The following OR2L13 variants were observed in gnomAD, a reference collection of about 807,000 sequenced individuals.
OR2L13 encodes the protein olfactory receptor 2L13.
OR2L13 carries 14 observed loss-of-function variants against 15.3 expected under a neutral mutation model. The ratio of observed to expected loss-of-function variants is 0.91; its 90% confidence interval spans 0.60 to 1.43. The LOEUF (loss-of-function observed/expected upper bound fraction) is 1.43. Among genes scored for constraint, OR2L13 ranks in the 40% most tolerant of loss-of-function variants. OR2L13 has a pLI of 0.00. For synonymous variants in OR2L13, 152 were observed against 142.9 expected (o/e 1.06, Z -0.45); for missense variants, 367 against 387.9 (o/e 0.95, Z 0.45).
chr1:248,021,263 A>G, the OR2L13 span, among the ~76,000 whole-genome samples: 1 of 152,246 alleles, frequency 6.6e-6, no homozygotes, highest in Non-Finnish European at 1.5e-5. Flanking sequence ...CTCATCAAAT[A>G]TTAATCTCTG....
At chr1:247,972,608 T>C in the OR2L13 span, among the ~76,000 whole-genome samples, 1 of 147,282 alleles carries the variant, frequency 6.8e-6, no homozygotes, top group Non-Finnish European at 1.5e-5. Flanking sequence ...AGTTCTGAAA[T>C]TGAGGCAGTA....
chr1:248,096,175 G>A (rs576912159), upstream of OR2L13, among the ~76,000 whole-genome samples: 13 of 151,878 alleles, frequency 8.6e-5, no homozygotes, highest in East Asian at 2.0e-4. Flanking sequence ...TCAGGAGATC[G>A]AGACCATCCT....
At chr1:248,007,671 A>G in the OR2L13 span, among the ~76,000 whole-genome samples, 1 of 152,076 alleles carries the variant, frequency 6.6e-6, no homozygotes, top group Non-Finnish European at 1.5e-5. Context: ...TTCCATCCAA[A>G]TGTTATGCTG....
At chr1:248,099,994 C>T in exon 3 of OR2L13, 2 of 1,614,166 alleles carry the variant, frequency 1.2e-6, no homozygotes, top group Non-Finnish European at 1.7e-6. Flanking sequence ...CCTCTTTCTC[C>T]TTTTCCCTTT....
the OR2L13 span, among the ~76,000 whole-genome samples, chr1:248,012,706 A>AC: frequency 7.2e-5 from 11 of 152,168 alleles, no homozygotes; most frequent in Non-Finnish European, 1.6e-4. Context: ...AGTAATATAC[A>AC]CTACCTACCC....
chr1:247,969,791 A>T, the OR2L13 span, among the ~76,000 whole-genome samples: 1 of 152,146 alleles, frequency 6.6e-6, no homozygotes, highest in Non-Finnish European at 1.5e-5. Context: ...ATTTTGTACC[A>T]GCAGCAAAAG....
chr1:248,053,655 C>T, the OR2L13 span, among the ~76,000 whole-genome samples: 28 of 152,224 alleles, frequency 1.8e-4, no homozygotes, highest in South Asian at 4.1e-4. Flanking sequence ...CCATTCTGAT[C>T]GGCAGCAGAT....
the OR2L13 span, among the ~76,000 whole-genome samples, chr1:247,981,877 G>A: frequency 2.3e-4 from 34 of 150,958 alleles, no homozygotes; most frequent in Non-Finnish European, 4.9e-4. Flanking sequence ...GTGCAGTGGT[G>A]TGATCTCAGC....
the OR2L13 span, among the ~76,000 whole-genome samples, chr1:247,982,439 C>T: frequency 0.039 from 5,900 of 152,196 alleles, 353 homozygotes; most frequent in African/African-American, 0.13. Context: ...ATTTTCAACT[C>T]TAAATTGAAG....
chr1:247,987,052 T>C, the OR2L13 span, among the ~76,000 whole-genome samples: 2 of 152,284 alleles, frequency 1.3e-5, no homozygotes, highest in Non-Finnish European at 2.9e-5. Context: ...GTTTCATTTT[T>C]TTTGATACTA....
At chr1:248,006,109 C>T in the OR2L13 span, among the ~76,000 whole-genome samples, 1 of 152,124 alleles carries the variant, frequency 6.6e-6, no homozygotes, top group Non-Finnish European at 1.5e-5. Context: ...GAGAGCACCT[C>T]CTCTCTTCCC....
At chr1:247,944,916 A>C in the OR2L13 span, among the ~76,000 whole-genome samples, 1 of 151,924 alleles carries the variant, frequency 6.6e-6, no homozygotes, top group Non-Finnish European at 1.5e-5. Flanking sequence ...TTGTCTTGCT[A>C]ATGATCTATC....
the OR2L13 span, chr1:248,021,822 T>G: frequency 1.2e-5 from 8 of 667,302 alleles, no homozygotes; most frequent in Admixed American, 5.4e-5. Context: ...TATATAGGGT[T>G]CAGTGTCAAC....
the OR2L13 span, among the ~76,000 whole-genome samples, chr1:248,000,072 C>T: frequency 3.3e-5 from 5 of 150,368 alleles, no homozygotes; most frequent in East Asian, 5.8e-4. Flanking sequence ...GGTAAGCCAA[C>T]TTGTGCCCCT....
the OR2L13 span, among the ~76,000 whole-genome samples, chr1:248,064,036 A>C: frequency 2.0e-5 from 3 of 152,212 alleles, no homozygotes; most frequent in African/African-American, 7.2e-5. Flanking sequence ...GACCTTGTGC[A>C]TAGGTCCACG....
chr1:248,042,546 C>CA, the OR2L13 span, among the ~76,000 whole-genome samples: 4 of 151,248 alleles, frequency 2.6e-5, no homozygotes, highest in Non-Finnish European at 4.4e-5. Flanking sequence ...TGCAAAAAAA[C>CA]AAAAAACAAA....
exon 3 of OR2L13, chr1:248,099,540 C>T (rs746864735): frequency 2.2e-5 from 35 of 1,614,110 alleles, no homozygotes; most frequent in Middle Eastern, 3.3e-4. Flanking sequence ...CTCGTCTCCA[C>T]ACACCGATGT....
At chr1:248,022,437 C>G in the OR2L13 span, 1 of 1,614,122 alleles carries the variant, frequency 6.2e-7, no homozygotes, top group Non-Finnish European at 8.5e-7. Flanking sequence ...ATATGCATTC[C>G]GTATCCCATA....
At chr1:248,041,470 T>C in the OR2L13 span, 3 of 152,110 alleles carry the variant, frequency 2.0e-5, no homozygotes, top group East Asian at 3.9e-4. Flanking sequence ...ATGTCTAAAA[T>C]ACCAAAAGCA....
Sources: allele counts gnomAD v4.1 joint callset (sites outside exome capture counted in the v4.1 genomes callset), GRCh38; gene constraint gnomAD v4.1.1; transcripts MANE v1.5; gene names NCBI Gene and HGNC (gene_info 2026-07-23, HGNC 2026-07-21).